Variants in MAGI2 observed in about 807,000 individuals in gnomAD.
MAGI2 encodes membrane associated guanylate kinase, WW and PDZ domain containing 2, also known as membrane-associated guanylate kinase, WW and PDZ domain-containing protein 2.
A neutral mutation model predicts 133.3 loss-of-function variants in MAGI2; 35 were observed. The ratio of observed to expected loss-of-function variants is 0.26; its 90% CI spans 0.20 to 0.35. The LOEUF is 0.35. MAGI2 is among the 10% of genes least tolerant of loss of function. The pLI is 1.00. For synonymous variants in MAGI2, 729 were observed against 710.6 expected (o/e 1.03, Z -0.41); for missense variants, 1,636 against 1,863.4 (o/e 0.88, Z 2.25).
intron 3 of MAGI2, among the ~76,000 whole-genome samples, chr7:78,620,346 CTAAAA>C (rs576269814): frequency 2.0e-5 from 3 of 151,950 alleles, no homozygotes; most frequent in Non-Finnish European, 2.9e-5. Flanking sequence ...TCAAACTATG[CTAAAA>C]TAAAAGCTGA....
chr7:78,279,572 A>G (rs967573869), intron 9 of MAGI2, among the ~76,000 whole-genome samples: 2 of 152,152 alleles, frequency 1.3e-5, no homozygotes, highest in African/African-American at 4.8e-5. Context: ...GCTAGGAAAT[A>G]AAGAAGGGAG....
At chr7:78,418,685 C>T (rs745867402) in intron 6 of MAGI2, among the ~76,000 whole-genome samples, 19 of 152,094 alleles carry the variant, frequency 1.2e-4, no homozygotes, top group Non-Finnish European at 2.2e-4. Flanking sequence ...AAACCAATCT[C>T]CTTCTTTAGG....
chr7:79,082,657 T>C (rs1779624979), intron 1 of MAGI2, among the ~76,000 whole-genome samples: 1 of 152,110 alleles, frequency 6.6e-6, no homozygotes. Context: ...TACTTTATTT[T>C]TACTTTTCAA....
intron 2 of MAGI2, among the ~76,000 whole-genome samples, chr7:78,766,579 T>C (rs541955726): frequency 6.6e-6 from 1 of 152,348 alleles, no homozygotes; most frequent in South Asian, 2.1e-4. Context: ...GTACACAGTA[T>C]TGTTAGTTTC....
chr7:79,373,012 A>G (rs751686479), intron 1 of MAGI2, among the ~76,000 whole-genome samples: 8 of 152,082 alleles, frequency 5.3e-5, no homozygotes, highest in Non-Finnish European at 8.8e-5. Context: ...ATAAGTGGAT[A>G]ATAAAGAATA....
chr7:79,376,820 G>A (rs958220466), intron 1 of MAGI2, among the ~76,000 whole-genome samples: 13 of 144,218 alleles, frequency 9.0e-5, no homozygotes, highest in Non-Finnish European at 1.8e-4. Flanking sequence ...GAGGATTTGT[G>A]TGTGTGTGTG....
intron 18 of MAGI2, among the ~76,000 whole-genome samples, chr7:78,127,853 A>T (rs1821153846): frequency 6.6e-6 from 1 of 152,192 alleles, no homozygotes. Context: ...TTGGCAGATC[A>T]TTCATTACTT....
chr7:78,350,112 G>T (rs995494347), intron 7 of MAGI2: 16 of 152,142 alleles, frequency 1.1e-4, no homozygotes, highest in African/African-American at 3.9e-4. Context: ...TAAAGATTCC[G>T]TTTTCTCTTT....
chr7:79,396,078 C>T (rs1444448760), intron 1 of MAGI2, among the ~76,000 whole-genome samples: 2 of 152,122 alleles, frequency 1.3e-5, no homozygotes, highest in Non-Finnish European at 1.5e-5. Flanking sequence ...GTTATCCCAT[C>T]ATTTAGCCCA....
chr7:78,649,703 T>G (rs934633191), intron 2 of MAGI2, among the ~76,000 whole-genome samples: 3 of 152,144 alleles, frequency 2.0e-5, no homozygotes, highest in African/African-American at 7.2e-5. Context: ...AAGCCCCATG[T>G]TTTGGCCTGG....
intron 9 of MAGI2, among the ~76,000 whole-genome samples, chr7:78,308,934 A>C (rs1798464608): frequency 6.6e-6 from 1 of 152,204 alleles, no homozygotes; most frequent in Non-Finnish European, 1.5e-5. Flanking sequence ...ATTACTATAC[A>C]ATTTTTCAAA....
At position 79,421,446 on chromosome 7, in the gene MAGI2, A is replaced by G. The variant is rs10235962; in HGVS notation, c.301+31574T>C. On this transcript the variant is annotated intron_variant, in intron 1 of 21. Transcript: ENST00000354212. ...ACAGAATGCCCAAACTCTTGCTTCT[A>G]AAGTAGTAATAGCATGACAGTTCTA... Among the ~76,000 whole-genome samples, 1,040 of 152,084 alleles carry G rather than the reference A, an allele frequency of 6.8e-3. 5 individuals are homozygous for G. The highest frequency in any genetic ancestry group is 0.024 in the African/African-American group (978 of 41,538).
chr7:78,059,774 TA>T (rs1030337651), intron 21 of MAGI2, among the ~76,000 whole-genome samples: 8 of 80,976 alleles, frequency 9.9e-5, no homozygotes, highest in African/African-American at 3.6e-4. Flanking sequence ...TATATATATA[TA>T]TATTTTTTTT....
chr7:78,138,890 A>G (rs965660585), intron 16 of MAGI2, among the ~76,000 whole-genome samples: 1 of 152,118 alleles, frequency 6.6e-6, no homozygotes, highest in Non-Finnish European at 1.5e-5. Context: ...TTCTTTTTTG[A>G]TATGTTGGAG....
chr7:78,535,423 G>A (rs972564233), intron 3 of MAGI2, among the ~76,000 whole-genome samples: 6 of 152,192 alleles, frequency 3.9e-5, no homozygotes, highest in Non-Finnish European at 8.8e-5. Context: ...CAGGGTGTAA[G>A]ATGGATTGGA....
At chr7:79,148,996 A>C (rs926544594) in intron 1 of MAGI2, among the ~76,000 whole-genome samples, 2 of 145,650 alleles carry the variant, frequency 1.4e-5, no homozygotes, top group African/African-American at 5.0e-5. Context: ...CTGGGACATT[A>C]GTGCTCCAAT....
At chr7:78,984,647 G>C (rs1805080412) in intron 2 of MAGI2, among the ~76,000 whole-genome samples, 1 of 151,654 alleles carries the variant, frequency 6.6e-6, no homozygotes, top group Non-Finnish European at 1.5e-5. Context: ...TACCTTCCCT[G>C]ACAGTCCTAT....
At chr7:79,284,999 T>C (rs1835901130) in intron 1 of MAGI2, among the ~76,000 whole-genome samples, 1 of 151,936 alleles carries the variant, frequency 6.6e-6, no homozygotes, top group Admixed American at 6.6e-5. Flanking sequence ...AAGATCTAAC[T>C]GTGAATTGGA....
chr7:79,178,730 TC>T (rs1209416861), intron 1 of MAGI2, among the ~76,000 whole-genome samples: 1 of 151,694 alleles, frequency 6.6e-6, no homozygotes, highest in Non-Finnish European at 1.5e-5. Context: ...AAAACTATCA[TC>T]TTTATAAAGG....
Sources: allele counts gnomAD v4.1 joint callset (sites outside exome capture counted in the v4.1 genomes callset), GRCh38; gene constraint gnomAD v4.1.1; transcripts MANE v1.5; gene names NCBI Gene and HGNC (gene_info 2026-07-23, HGNC 2026-07-21).